The following RUFY3 variants were observed in gnomAD, a reference collection of about 807,000 sequenced individuals.
The protein encoded by RUFY3 is protein RUFY3.
A neutral mutation model predicts 84.0 loss-of-function variants in RUFY3; 34 were observed. The observed-to-expected ratio is 0.40, with a 90% CI of 0.31 to 0.54. RUFY3 has a LOEUF of 0.54. Among genes scored for constraint, RUFY3 ranks in the 20% least tolerant of loss-of-function variants. The pLI is 0.39. For missense variants in RUFY3, 507 were observed against 736.8 expected (o/e 0.69, Z 3.61); for synonymous variants, 242 against 252.9 (o/e 0.96, Z 0.41).
At chr4:70,746,135 G>A (rs1237327453) in intron 1 of RUFY3, among the ~76,000 whole-genome samples, 1 of 152,168 alleles carries the variant, frequency 6.6e-6, no homozygotes. Context: ...CTTGATGCCA[G>A]GAGTTCAAGG....
At chr4:70,798,659 A>C (rs1292608324) in intron 14 of RUFY3, among the ~76,000 whole-genome samples, 2 of 152,060 alleles carry the variant, frequency 1.3e-5, no homozygotes, top group Non-Finnish European at 2.9e-5. Context: ...GCGTGCACCT[A>C]TAATCCCAGC....
intron 13 of RUFY3, among the ~76,000 whole-genome samples, chr4:70,794,289 T>C (rs1016058430): frequency 6.6e-6 from 1 of 152,116 alleles, no homozygotes; most frequent in African/African-American, 2.4e-5. Flanking sequence ...CAGATTAAAG[T>C]AGAGCTTAAG....
chr4:70,725,728 G>A (rs1718129141), intron 1 of RUFY3, among the ~76,000 whole-genome samples: 1 of 152,216 alleles, frequency 6.6e-6, no homozygotes, highest in African/African-American at 2.4e-5. Context: ...TGACTCCACA[G>A]GAGAAGGGTC....
upstream of RUFY3, among the ~76,000 whole-genome samples, chr4:70,720,063 G>C (rs1010322604): frequency 3.9e-5 from 6 of 152,074 alleles, no homozygotes; most frequent in Non-Finnish European, 8.8e-5. Context: ...CATTGTACCA[G>C]TATACCCTCC....
intron 1 of RUFY3, among the ~76,000 whole-genome samples, chr4:70,737,419 G>A (rs960440183): frequency 1.3e-5 from 2 of 152,138 alleles, no homozygotes; most frequent in Non-Finnish European, 2.9e-5. Context: ...GTGTATGTGA[G>A]ATGTACTACA....
intron 5 of RUFY3, among the ~76,000 whole-genome samples, chr4:70,772,475 A>T (rs543965824): frequency 1.3e-5 from 2 of 152,190 alleles, no homozygotes; most frequent in South Asian, 2.1e-4. Context: ...GTTGTTTCAG[A>T]TTTCTTGATG....
chr4:70,733,073 AAGAGAGAGAGAGAGAGAGAGAGGAGAGAG>A (rs772416111), intron 1 of RUFY3, among the ~76,000 whole-genome samples: 5,389 of 111,570 alleles, frequency 0.048, 187 homozygotes, highest in South Asian at 0.069. Flanking sequence ...TTTCAAAAGA[AAGAGAGAGAGAGAGAGAGAGAGGAGAGAG>A]AGAGAGAGAG....
chr4:70,717,844 G>A (rs577582045), upstream of RUFY3, among the ~76,000 whole-genome samples: 1 of 143,616 alleles, frequency 7.0e-6, no homozygotes, highest in Non-Finnish European at 1.5e-5. Flanking sequence ...TCTCTGTTTT[G>A]CAGTGCTTTT....
At chr4:70,732,674 G>A (rs187077078) in intron 1 of RUFY3, among the ~76,000 whole-genome samples, 60 of 151,754 alleles carry the variant, frequency 4.0e-4, no homozygotes, top group African/African-American at 1.4e-3. Context: ...ACCAAACACC[G>A]CATGTTCTCA....
At chr4:70,780,146 C>G (rs1728661813) in intron 8 of RUFY3, among the ~76,000 whole-genome samples, 1 of 152,104 alleles carries the variant, frequency 6.6e-6, no homozygotes, top group Admixed American at 6.6e-5. Context: ...GAATGTTCAG[C>G]ACAGATTTTT....
chr4:70,773,965 G>A (rs1216619113), intron 6 of RUFY3, among the ~76,000 whole-genome samples: 1 of 152,080 alleles, frequency 6.6e-6, no homozygotes, highest in Non-Finnish European at 1.5e-5. Flanking sequence ...TGACATTAGG[G>A]GAAACTGATT....
intron 1 of RUFY3, among the ~76,000 whole-genome samples, chr4:70,757,223 G>C (rs890235346): frequency 5.3e-5 from 8 of 152,222 alleles, no homozygotes; most frequent in Admixed American, 2.0e-4. Flanking sequence ...ACTACAGTGA[G>C]TTGTGATCGT....
chr4:70,787,657 A>G (rs1730124398), intron 10 of RUFY3, among the ~76,000 whole-genome samples: 1 of 152,184 alleles, frequency 6.6e-6, no homozygotes, highest in Non-Finnish European at 1.5e-5. Context: ...AGATCTCAAA[A>G]TATAATACTT....
chr4:70,753,042 C>T (rs965562433), intron 1 of RUFY3, among the ~76,000 whole-genome samples: 9 of 151,730 alleles, frequency 5.9e-5, no homozygotes, highest in Non-Finnish European at 1.3e-4. Context: ...CCTCTGTATG[C>T]TATTTTTTTA....
At chr4:70,777,717 G>C (rs191401167) in intron 7 of RUFY3, among the ~76,000 whole-genome samples, 3 of 152,082 alleles carry the variant, frequency 2.0e-5, no homozygotes, top group African/African-American at 4.8e-5. Context: ...TAACATAAAG[G>C]GTTGTTGAAA....
chr4:70,808,363 C>A lies in RUFY3; in HGVS notation c.*1704C>A, dbSNP rs1352409129. ...GAGCAAGAGAAGGCAAAAAACATTA[C>A]ATAATATTTTGATTCTGTTACGTGT... On this transcript the variant is annotated 3_prime_UTR_variant, in exon 18 of 18. Coordinates refer to ENST00000381006, the MANE Select transcript of RUFY3 (RefSeq NM_001037442.4). 6.6e-6 allele frequency among the ~76,000 whole-genome samples: 1 copy of A among 152,126 alleles called. No individual in the cohort carries two copies. The highest frequency in any genetic ancestry group is 2.4e-5 in the African/African-American group (1 of 41,420).
intron 1 of RUFY3, among the ~76,000 whole-genome samples, chr4:70,746,197 T>C (rs187960099): frequency 4.6e-5 from 7 of 152,124 alleles, no homozygotes; most frequent in Admixed American, 4.6e-4. Flanking sequence ...TACAAAAAGT[T>C]AGCCAGGTAT....
chr4:70,783,531 C>A (rs1729282950), intron 9 of RUFY3, among the ~76,000 whole-genome samples: 1 of 152,160 alleles, frequency 6.6e-6, no homozygotes, highest in South Asian at 2.1e-4. Flanking sequence ...GAAGTGACAC[C>A]TTATTTATAT....
chr4:70,720,601 A>G (rs932107783), upstream of RUFY3, among the ~76,000 whole-genome samples: 1 of 152,230 alleles, frequency 6.6e-6, no homozygotes, highest in South Asian at 2.1e-4. Flanking sequence ...GATTTTAACA[A>G]TATTCAAGGA....
Sources: gnomAD v4.1 joint callset for allele counts (sites outside exome capture counted in the v4.1 genomes callset) on GRCh38, gnomAD v4.1.1 for gene constraint, MANE v1.5 for transcripts, NCBI Gene and HGNC (gene_info 2026-07-23, HGNC 2026-07-21) for gene names.